The following LEPR variants were observed in gnomAD, a reference collection of about 807,000 sequenced individuals.
The protein encoded by LEPR is leptin receptor, also known as OB receptor.
A neutral mutation model predicts 114.7 loss-of-function variants in LEPR; 56 were observed. That is an observed-to-expected ratio of 0.49 (90% CI 0.39 to 0.61). The LOEUF (loss-of-function observed/expected upper bound fraction) is 0.61. Ranked by LOEUF, LEPR falls within the 20% of genes least tolerant of loss-of-function variation. The pLI is 0.00. For synonymous variants in LEPR, 443 were observed against 461.4 expected (o/e 0.96, Z 0.51); for missense variants, 1,202 against 1,352.9 (o/e 0.89, Z 1.75).
At chr1:65,612,148 C>T (rs1181652520) in intron 14 of LEPR, among the ~76,000 whole-genome samples, 1 of 152,186 alleles carries the variant, frequency 6.6e-6, no homozygotes, top group African/African-American at 2.4e-5. Flanking sequence ...GAGTAAGCCA[C>T]AAGGCCACAG....
Position 65,571,971 on chromosome 1 carries a change from C to CAAAAAAA in LEPR, c.371-343_371-337dup, listed in dbSNP as rs72311704. ...TGGGTGACAGAGTGACACCCCATCT[C>CAAAAAAA]AAAAAAAAAAAAAAAAAAGGAAAGA... On this transcript the variant is annotated intron_variant, in intron 4 of 19. Coordinates refer to ENST00000349533, the MANE Select transcript of LEPR (RefSeq NM_002303.6). Among the ~76,000 whole-genome samples, 200 of 60,404 alleles carry CAAAAAAA rather than the reference C, an allele frequency of 3.3e-3. 9 individuals are homozygous for CAAAAAAA. Among genetic ancestry groups the CAAAAAAA allele is most frequent in the Non-Finnish European group, 3.6e-3 (123 of 33,948 alleles). 39.6% of individuals were successfully genotyped at this position (60,404 alleles called of 152,430 possible). A position where few individuals can be genotyped will look rare whatever the true frequency, so the allele number is the denominator to read the frequency against.
intron 10 of LEPR, among the ~76,000 whole-genome samples, chr1:65,603,131 G>C (rs1451107278): frequency 6.6e-6 from 1 of 152,148 alleles, no homozygotes; most frequent in African/African-American, 2.4e-5. Flanking sequence ...AGGACTTACA[G>C]TGTTTCTGCG....
intron 2 of LEPR, among the ~76,000 whole-genome samples, chr1:65,534,809 C>T (rs1236714962): frequency 6.6e-6 from 1 of 152,092 alleles, no homozygotes; most frequent in African/African-American, 2.4e-5. Flanking sequence ...AATAGAGAGT[C>T]TCAGGTGCTT....
Position 65,442,430 on chromosome 1 carries a change from C to T in LEPR, c.-21+17052C>T, listed in dbSNP as rs556885175. ...TTTTCCAACTAAACTAGTATATATC[C>T]CACATGTATTGATTAATATCTTTTG... On this transcript the variant is annotated intron_variant, in intron 2 of 19. Transcript: ENST00000349533. Among the ~76,000 whole-genome samples the T allele has an allele frequency of 3.2e-4, 48 of 152,228 alleles. No individual in the cohort carries two copies. In the East Asian group the frequency reaches 9.1e-3, roughly 29 times the overall value.
At chr1:65,534,638 G>A (rs1464481265) in intron 2 of LEPR, among the ~76,000 whole-genome samples, 1 of 152,140 alleles carries the variant, frequency 6.6e-6, no homozygotes, top group Non-Finnish European at 1.5e-5. Context: ...TAGGAGTGCC[G>A]AGAGAGGGAG....
In LEPR at chr1:65,572,290, GTTTTTTTTTTT is replaced by G. The variant is rs747467075; in HGVS notation, c.371-19_371-9del. 1.7e-3 allele frequency: 1,321 copies of G among 799,880 alleles called. 9 individuals are homozygous for G. The African/African-American group carries it at 0.034, about 20-fold the overall frequency. The allele number at this position is 799,880 out of a possible 1,614,324, so 49.5% of individuals were successfully genotyped here. A position where few individuals can be genotyped will look rare whatever the true frequency, so the allele number is the denominator to read the frequency against. On this transcript the variant is annotated intron_variant, in intron 4 of 19. Coordinates refer to ENST00000349533, the MANE Select transcript of LEPR (RefSeq NM_002303.6). ...ATGGTTTTTGAGATTTCATGTAGTT[GTTTTTTTTTTT>G]TTTTTTTTTTTTTTTTAAATTCAGA...
intron 16 of LEPR, among the ~76,000 whole-genome samples, chr1:65,619,285 G>A (rs1012426659): frequency 6.6e-6 from 1 of 152,028 alleles, no homozygotes; most frequent in Non-Finnish European, 1.5e-5. Context: ...ATAAAATTTA[G>A]GCTTCACAGA....
Position 65,639,542 on chromosome 1 carries a change from A to C in LEPR, c.*2527A>C, listed in dbSNP as rs894081184. 1 of 152,210 alleles carries C rather than the reference A, an allele frequency of 6.6e-6. No individual in the cohort carries two copies. The highest frequency in any genetic ancestry group is 2.4e-5 in the African/African-American group (1 of 41,456). The allele number at this position is 152,210 out of a possible 1,614,324, so 9.4% of individuals were successfully genotyped here. ...ATTTAGAAAAAATTTAGAATGTTTT[A>C]TGCCTCAGAATGGTCAGGAACTTCC... On this transcript the variant is annotated 3_prime_UTR_variant, in exon 20 of 20. Coordinates refer to ENST00000349533, the MANE Select transcript of LEPR (RefSeq NM_002303.6).
At chr1:65,579,731 A>T (rs1045106856) in intron 5 of LEPR, among the ~76,000 whole-genome samples, 15 of 152,206 alleles carry the variant, frequency 9.9e-5, no homozygotes, top group African/African-American at 3.6e-4. Flanking sequence ...CCCCGTGAAT[A>T]TGTGTAAGGT....
intron 2 of LEPR, among the ~76,000 whole-genome samples, chr1:65,554,872 G>C (rs1360369564): frequency 1.3e-5 from 2 of 152,172 alleles, no homozygotes; most frequent in Non-Finnish European, 2.9e-5. Context: ...CTGGTCTGTG[G>C]GTTGGGAAGG....
chr1:65,479,972 G>A (rs866192464), intron 2 of LEPR, among the ~76,000 whole-genome samples: 2 of 152,134 alleles, frequency 1.3e-5, no homozygotes, highest in East Asian at 1.9e-4. Context: ...TGGAAGGAAC[G>A]TGAAACGTGT....
chr1:65,583,774 A>T (rs1215111599), intron 5 of LEPR, among the ~76,000 whole-genome samples: 1 of 152,178 alleles, frequency 6.6e-6, no homozygotes, highest in Non-Finnish European at 1.5e-5. Flanking sequence ...AAGAAAAAAT[A>T]GTCAATAGAA....
In LEPR at chr1:65,433,917, CAG is replaced by C. The variant is rs1361168112; in HGVS notation, c.-21+8541_-21+8542del. ...AGTTTTGAGCAATAATCTGTCCTAA[CAG>C]AACAGTAGCAATAAGTTTTAGGATA... On this transcript the variant is annotated intron_variant, in intron 2 of 19. Coordinates refer to ENST00000349533, the MANE Select transcript of LEPR (RefSeq NM_002303.6). 7 of 984,850 alleles carry C rather than the reference CAG, an allele frequency of 7.1e-6. No individual in the cohort carries two copies. The Admixed American group carries it at 4.3e-4, about 61-fold the overall frequency. The allele number at this position is 984,850 out of a possible 1,614,324, so 61.0% of individuals were successfully genotyped here. A position where few individuals can be genotyped will look rare whatever the true frequency, so the allele number is the denominator to read the frequency against.
At chr1:65,472,452 A>G (rs190590390) in intron 2 of LEPR, among the ~76,000 whole-genome samples, 1 of 134,992 alleles carries the variant, frequency 7.4e-6, no homozygotes, top group Non-Finnish European at 1.5e-5. Flanking sequence ...ACACGTGTGT[A>G]TATATATAAT....
intron 2 of LEPR, among the ~76,000 whole-genome samples, chr1:65,453,444 G>A (rs1441506371): frequency 6.6e-6 from 1 of 151,970 alleles, no homozygotes; most frequent in Non-Finnish European, 1.5e-5. Flanking sequence ...TCGACGCACT[G>A]CTTTGAATGC....
intron 5 of LEPR, among the ~76,000 whole-genome samples, chr1:65,587,519 T>C (rs1655390983): frequency 6.6e-6 from 1 of 152,086 alleles, no homozygotes; most frequent in African/African-American, 2.4e-5. Flanking sequence ...CTTGTAAACA[T>C]AGATGGTTCG....
chr1:65,549,820 G>T (rs1284429492), intron 2 of LEPR, among the ~76,000 whole-genome samples: 6 of 152,198 alleles, frequency 3.9e-5, no homozygotes, highest in Non-Finnish European at 7.3e-5. Flanking sequence ...CCTCGTCAAA[G>T]TCATTCTCCA....
chr1:65,458,864 C>T (rs945624515), intron 2 of LEPR, among the ~76,000 whole-genome samples: 2 of 152,110 alleles, frequency 1.3e-5, no homozygotes, highest in African/African-American at 4.8e-5. Context: ...TGGATATTTG[C>T]ACCATTTCTT....
chr1:65,603,040 C>T (rs1317562171), intron 10 of LEPR, among the ~76,000 whole-genome samples: 3 of 152,092 alleles, frequency 2.0e-5, no homozygotes, highest in Non-Finnish European at 4.4e-5. Context: ...TACAGAATAA[C>T]TATGAAACTA....
Sources: gnomAD v4.1 joint callset for allele counts (sites outside exome capture counted in the v4.1 genomes callset) on GRCh38, gnomAD v4.1.1 for gene constraint, MANE v1.5 for transcripts, NCBI Gene and HGNC (gene_info 2026-07-23, HGNC 2026-07-21) for gene names.